Variants in P3H2 observed in about 807,000 individuals in gnomAD.
P3H2 encodes the protein leprecan-like 1.
In P3H2, 80 loss-of-function variants were observed where a neutral mutation model predicts 87.0. The observed-to-expected ratio is 0.92, with a 90% CI of 0.77 to 1.11. The LOEUF (loss-of-function observed/expected upper bound fraction) is 1.11, where lower values mean the gene tolerates loss of function less well. Ranked by LOEUF, P3H2 falls within the 50% of genes least tolerant of loss-of-function variation. The pLI is 0.00. For synonymous variants in P3H2, 367 were observed against 359.3 expected, an observed-to-expected ratio of 1.02 and a Z score of -0.24; for missense variants, 1,001 against 923.9, an observed-to-expected ratio of 1.08 and a Z score of -1.08.
chr3:190,025,215 T>C (rs1005185254), intron 1 of P3H2, among the ~76,000 whole-genome samples: 6 of 152,102 alleles, frequency 3.9e-5, no homozygotes, highest in Non-Finnish European at 7.4e-5. Flanking sequence ...ATAATGTTTC[T>C]CCAGGAATAA....
At chr3:190,078,054 C>G (rs1186238875) in intron 1 of P3H2, among the ~76,000 whole-genome samples, 1 of 152,162 alleles carries the variant, frequency 6.6e-6, no homozygotes, top group African/African-American at 2.4e-5. Context: ...CAACATAGTT[C>G]AAGAGATGAA....
chr3:190,066,016 A>G (rs1726487154), intron 1 of P3H2, among the ~76,000 whole-genome samples: 1 of 151,928 alleles, frequency 6.6e-6, no homozygotes, highest in South Asian at 2.1e-4. Flanking sequence ...CATGGTTTTG[A>G]AGGTTCCTTT....
intron 1 of P3H2, among the ~76,000 whole-genome samples, chr3:190,102,658 A>G (rs891155553): frequency 7.6e-6 from 1 of 132,206 alleles, no homozygotes. Flanking sequence ...TGCAGTGAAC[A>G]CTGTTGAAAT....
intron 1 of P3H2, among the ~76,000 whole-genome samples, chr3:190,042,021 T>A (rs1313519091): frequency 6.6e-6 from 1 of 152,246 alleles, no homozygotes; most frequent in Non-Finnish European, 1.5e-5. Flanking sequence ...TTAAAGTCTG[T>A]AAGTGCCTAA....
At position 190,021,279 on chromosome 3, in the gene P3H2, G is replaced by A. The variant is rs568245339; in HGVS notation, c.481-25837C>T. Reference sequence around the variant, plus strand: ...TCTGGTGGAGAAATGAGCACAATCAGTGGTTCCCTTTCTTATGCATCAATG... The same window carrying A: ...TCTGGTGGAGAAATGAGCACAATCAATGGTTCCCTTTCTTATGCATCAATG... On this transcript the variant is annotated intron_variant, in intron 1 of 14. Transcript: ENST00000319332. 1.2e-4 allele frequency among the ~76,000 whole-genome samples: 16 copies of A among 135,130 alleles called. 4 individuals are homozygous for A. The highest frequency in any genetic ancestry group is 2.3e-4 in the Non-Finnish European group (14 of 60,496). 88.7% of individuals were successfully genotyped at this position (135,130 alleles called of 152,430 possible). A position where few individuals can be genotyped will look rare whatever the true frequency, so the allele number is the denominator to read the frequency against.
At chr3:190,042,428 TTGTGTGTGTGTG>T (rs58506083) in intron 1 of P3H2, among the ~76,000 whole-genome samples, 97,239 of 150,740 alleles carry the variant, frequency 0.65, 31,618 homozygotes, top group Admixed American at 0.74. Context: ...TTGTAAGATT[TTGTGTGTGTGTG>T]TGTGTGTGTG....
At chr3:190,014,057 G>A (rs1724677163) in intron 1 of P3H2, among the ~76,000 whole-genome samples, 1 of 152,150 alleles carries the variant, frequency 6.6e-6, no homozygotes, top group African/African-American at 2.4e-5. Flanking sequence ...ACAATAAATA[G>A]TTGATTTATG....
chr3:189,969,371 T>C lies in P3H2; in HGVS notation c.1893+1445A>G, dbSNP rs186099771. On this transcript the variant is annotated intron_variant, in intron 13 of 14. Transcript: ENST00000319332. ...CCCTCAGTTGTGACCATTGTCCCCT[T>C]TGAATGTCACCAGAGTCCTAGCTTC... The C allele has an allele frequency of 3.0e-5, 24 of 809,430 alleles. 1 individual carries two copies. Among genetic ancestry groups the C allele is most frequent in the Non-Finnish European group, 3.9e-5 (18 of 460,950 alleles). The allele number at this position is 809,430 out of a possible 1,614,324, so 50.1% of individuals were successfully genotyped here.
At chr3:190,080,774 TAACA>T (rs548346902) in intron 1 of P3H2, among the ~76,000 whole-genome samples, 167 of 152,138 alleles carry the variant, frequency 1.1e-3, no homozygotes, top group African/African-American at 3.4e-3. Context: ...CATAAAAACA[TAACA>T]AACAAAAGAA....
chr3:189,961,797 G>T (rs191722913), intron 14 of P3H2, among the ~76,000 whole-genome samples: 15 of 152,314 alleles, frequency 9.8e-5, no homozygotes, highest in Admixed American at 9.8e-4. Flanking sequence ...GGACGCTGGC[G>T]TTGATGTTTC....
rs539372710 is a variant in P3H2 at position 189,987,864 on chromosome 3, T to C, written c.956-195A>G. The C allele has an allele frequency of 4.9e-4, 315 of 642,300 alleles. 2 individuals carry two copies. The African/African-American group carries it at 5.3e-3, about 11-fold the overall frequency. The allele number at this position is 642,300 out of a possible 1,614,324, so 39.8% of individuals were successfully genotyped here. Reference sequence around the variant, plus strand: ...ATGATTTCAAGTATTCAAAAGTTATTACCTTTGGTCTGCTTTGGTACTAGT... The same window carrying C: ...ATGATTTCAAGTATTCAAAAGTTATCACCTTTGGTCTGCTTTGGTACTAGT... On this transcript the variant is annotated intron_variant, in intron 4 of 14. Transcript: ENST00000319332.
At chr3:190,080,980 T>A (rs559993130) in intron 1 of P3H2, among the ~76,000 whole-genome samples, 1 of 152,370 alleles carries the variant, frequency 6.6e-6, no homozygotes, top group South Asian at 2.1e-4. Context: ...ACCATGTTTA[T>A]GTGAACAGCT....
intron 1 of P3H2, among the ~76,000 whole-genome samples, chr3:190,055,638 G>A (rs75639731): frequency 1.3e-5 from 2 of 151,534 alleles, no homozygotes; most frequent in Non-Finnish European, 2.9e-5. Flanking sequence ...TTTACAAAAC[G>A]ATCATATTCT....
chr3:189,964,839 A>G (rs1237339578), intron 13 of P3H2, among the ~76,000 whole-genome samples: 1 of 152,220 alleles, frequency 6.6e-6, no homozygotes, highest in East Asian at 1.9e-4. Flanking sequence ...TTTAGGTAGA[A>G]GAGTGTAGTG....
rs761021603 is a variant in P3H2, at chr3:189,987,548, C to A, written c.1077G>T (p.Pro359=). Reference sequence around the variant, plus strand: ...TCACCTCTCTGGCCTCAATGGATGCCGGGTCAATGCTATCATCCAGCAGAC... The same window carrying A: ...TCACCTCTCTGGCCTCAATGGATGCAGGGTCAATGCTATCATCCAGCAGAC... ...YESLLDDSID[P]ASIEAREDLT... The change falls in exon 5 of 15, where the codon CCG becomes CCT. Residue 359 remains proline, a synonymous_variant. Transcript: ENST00000319332. 7.4e-6 allele frequency: 12 copies of A among 1,613,920 alleles called. No homozygotes were observed. Among genetic ancestry groups the A allele is most frequent in the Non-Finnish European group, 1.0e-5 (12 of 1,179,954 alleles).
In P3H2 at chr3:190,120,609, C is replaced by T; in HGVS notation, c.123G>A (p.Leu41=). ...TGGCGTAGAGCAGGTCGAAGGGCTGCAGAGGCCCGGGCTCCAGCTCCAGCT... is the reference window on the plus strand; with the variant it reads ...TGGCGTAGAGCAGGTCGAAGGGCTGTAGAGGCCCGGGCTCCAGCTCCAGCT... ...RRELELEPGP[L]QPFDLLYASG... The change falls in exon 1 of 15, where the codon CTG becomes CTA. Residue 41 remains leucine (L), a synonymous_variant. Coordinates refer to ENST00000319332, the MANE Select transcript of P3H2 (RefSeq NM_018192.4). 6.5e-7 allele frequency: 1 copy of T among 1,544,220 alleles called. No individual in the cohort carries two copies. Among genetic ancestry groups the T allele is most frequent in the South Asian group, 1.2e-5 (1 of 84,072 alleles).
chr3:190,015,737 A>G (rs770122633), intron 1 of P3H2, among the ~76,000 whole-genome samples: 1 of 152,178 alleles, frequency 6.6e-6, no homozygotes, highest in Non-Finnish European at 1.5e-5. Context: ...GATTACTTCA[A>G]TCTTTTGGTT....
intron 1 of P3H2, among the ~76,000 whole-genome samples, chr3:190,056,995 T>G (rs1352446044): frequency 6.6e-6 from 1 of 152,196 alleles, no homozygotes; most frequent in East Asian, 1.9e-4. Context: ...TAACTTGGAT[T>G]CATTTATAGC....
chr3:189,985,724 G>C (rs1222160841), intron 6 of P3H2, among the ~76,000 whole-genome samples: 1 of 151,506 alleles, frequency 6.6e-6, no homozygotes, highest in Non-Finnish European at 1.5e-5. Context: ...CCACTCTTAA[G>C]AATTTATTTT....
Sources: gnomAD v4.1 joint callset for allele counts (sites outside exome capture counted in the v4.1 genomes callset) on GRCh38, gnomAD v4.1.1 for gene constraint, MANE v1.5 for transcripts, NCBI Gene and HGNC (gene_info 2026-07-23, HGNC 2026-07-21) for gene names.